The following SMC6 variants were observed in gnomAD, a reference collection of about 807,000 sequenced individuals.
The protein encoded by SMC6 is structural maintenance of chromosomes protein 6.
A neutral mutation model predicts 142.2 loss-of-function variants in SMC6; 79 were observed. The observed-to-expected ratio is 0.56, with a 90% CI of 0.46 to 0.67. The LOEUF (loss-of-function observed/expected upper bound fraction) is 0.67. Ranked by LOEUF, SMC6 falls within the 30% of genes least tolerant of loss-of-function variation. The pLI is 0.00. For missense variants in SMC6, 1,072 were observed against 1,284.0 expected (o/e 0.83, Z 2.52); for synonymous variants, 411 against 412.4 (o/e 1.00, Z 0.04).
chr2:17,739,746 A>G (rs1174591901), intron 4 of SMC6, among the ~76,000 whole-genome samples: 1 of 151,916 alleles, frequency 6.6e-6, no homozygotes, highest in African/African-American at 2.4e-5. Flanking sequence ...CCAGGAGTTC[A>G]AGGCTGCAAT....
chr2:17,752,663 C>G (rs926686929), intron 2 of SMC6, among the ~76,000 whole-genome samples: 1 of 152,130 alleles, frequency 6.6e-6, no homozygotes, highest in Non-Finnish European at 1.5e-5. Flanking sequence ...CTATGTTTCA[C>G]GTAGAAATCA....
chr2:17,734,134 A>G (rs1041317630), intron 5 of SMC6, among the ~76,000 whole-genome samples: 2 of 152,140 alleles, frequency 1.3e-5, no homozygotes, highest in Admixed American at 1.3e-4. Flanking sequence ...ACAGAGGTCC[A>G]GAGACAAGAC....
intron 18 of SMC6, among the ~76,000 whole-genome samples, chr2:17,704,622 C>A (rs1422493633): frequency 6.6e-6 from 1 of 152,208 alleles, no homozygotes; most frequent in Non-Finnish European, 1.5e-5. Context: ...TATTTCTCCA[C>A]ATTTTAACAT....
At chr2:17,689,507 C>G (rs73921045) in intron 23 of SMC6, among the ~76,000 whole-genome samples, 2,022 of 152,064 alleles carry the variant, frequency 0.013, 23 homozygotes, top group African/African-American at 0.031. Flanking sequence ...TTTATGAAAC[C>G]TACTTTTGAA....
chr2:17,753,758 C>T lies in SMC6; in HGVS notation c.-225G>A, dbSNP rs931247868. The T allele has an allele frequency of 1.3e-5, 2 of 152,288 alleles. No individual in the cohort carries two copies. The highest frequency in any genetic ancestry group is 4.8e-5 in the African/African-American group (2 of 41,470). The allele number at this position is 152,288 out of a possible 1,614,324, so 9.4% of individuals were successfully genotyped here. A position where few individuals can be genotyped will look rare whatever the true frequency, so the allele number is the denominator to read the frequency against. ...TGGCCCCCTGGGAACCGCGTGCCGG[C>T]CGCAGGAGAAGGTAGATTCCCGGGA... On this transcript the variant is annotated 5_prime_UTR_variant, in exon 1 of 28. Transcript: ENST00000448223.
At chr2:17,701,956 A>T in intron 19 of SMC6, 47 bp from the exon 20 acceptor site, 1 of 997,870 alleles carries the variant, frequency 1.0e-6, no homozygotes, top group Non-Finnish European at 1.5e-6. Context: ...AAAAATTTAA[A>T]CCGAAAACCT....
rs1429470387 is a variant in SMC6 at position 17,670,429 on chromosome 2, G to A, written c.3057C>T (p.Val1019=). Residue 1019 remains valine (V), a synonymous_variant, in exon 26 of 28, where the codon GTC becomes GTT. Transcript: ENST00000448223. ...SPFRCLDEFD[V]YMDMVNRRIA... is the part of the protein sequence containing the mutation. ...ATTTAAAATTTAACAATACCATGTAGACATCAAATTCATCCAGGCATCTGA... is the reference window on the plus strand; with the variant it reads ...ATTTAAAATTTAACAATACCATGTAAACATCAAATTCATCCAGGCATCTGA... 6.2e-7 allele frequency: 1 copy of A among 1,612,742 alleles called. No individual in the cohort carries two copies. The highest frequency in any genetic ancestry group is 1.7e-4 in the Middle Eastern group (1 of 6,054).
At position 17,704,667 on chromosome 2, in the gene SMC6, T is replaced by A. The variant is rs1668419460; in HGVS notation, c.2007-1375A>T. On this transcript the variant is annotated intron_variant, in intron 18 of 27. Transcript: ENST00000448223. ...CTGAAACCATTTTGCAGTTTGTGGT[T>A]CAATTAGCATTTATTTCCTTTTTAC... 3.9e-5 allele frequency among the ~76,000 whole-genome samples: 6 copies of A among 152,202 alleles called. No homozygotes were observed. The South Asian group carries it at 1.2e-3, about 32-fold the overall frequency.
At chr2:17,668,990 C>G (rs1666633439) in intron 26 of SMC6, among the ~76,000 whole-genome samples, 1 of 152,062 alleles carries the variant, frequency 6.6e-6, no homozygotes, top group Non-Finnish European at 1.5e-5. Flanking sequence ...CACATGCAAG[C>G]CTGGGAGTCC....
At chr2:17,669,417 T>C (rs901059510) in intron 26 of SMC6, among the ~76,000 whole-genome samples, 5 of 152,108 alleles carry the variant, frequency 3.3e-5, no homozygotes, top group African/African-American at 9.7e-5. Flanking sequence ...GGGACTGTGA[T>C]ATGTGTATAT....
chr2:17,674,771 C>T (rs1036125877), intron 25 of SMC6, among the ~76,000 whole-genome samples: 8 of 151,902 alleles, frequency 5.3e-5, no homozygotes, highest in South Asian at 2.1e-4. Flanking sequence ...ATGAAATGGC[C>T]CTTTTGGCCT....
At chr2:17,676,420 A>C (rs980236930) in intron 25 of SMC6, among the ~76,000 whole-genome samples, 4 of 152,200 alleles carry the variant, frequency 2.6e-5, no homozygotes, top group African/African-American at 9.6e-5. Flanking sequence ...CAATTTTTAC[A>C]GCTTTAAATA....
intron 23 of SMC6, among the ~76,000 whole-genome samples, chr2:17,690,455 G>A (rs535787777): frequency 3.3e-5 from 5 of 152,136 alleles, no homozygotes; most frequent in East Asian, 1.9e-4. Context: ...TTAGCTGCAC[G>A]TGGTGGTGCA....
At chr2:17,716,674 T>C (rs1416168693) in intron 14 of SMC6, 67 bp downstream of exon 14, 2 of 1,475,502 alleles carry the variant, frequency 1.4e-6, no homozygotes, top group East Asian at 2.3e-5. Context: ...GCTCTCTTCA[T>C]ACAAGAACAA....
In SMC6 at chr2:17,717,946, A is replaced by G. The variant is rs570122045; in HGVS notation, c.1092+131T>C. On this transcript the variant is annotated intron_variant, in intron 12 of 27. Coordinates refer to ENST00000448223, the MANE Select transcript of SMC6 (RefSeq NM_001142286.2). ...GGCTACAGTGAGCCGTGATGGCGCC[A>G]TAGCACTCCAGCCTGGGTGACAGAG... 11 of 911,650 alleles carry G rather than the reference A, an allele frequency of 1.2e-5. No homozygotes were observed. The African/African-American group carries it at 1.9e-4, about 16-fold the overall frequency. The allele number at this position is 911,650 out of a possible 1,614,324, so 56.5% of individuals were successfully genotyped here.
intron 18 of SMC6, among the ~76,000 whole-genome samples, chr2:17,705,249 C>A (rs537052359): frequency 7.6e-4 from 115 of 151,698 alleles, no homozygotes; most frequent in African/African-American, 2.8e-3. Flanking sequence ...CAGAGTGAGA[C>A]CCTGTCTCAA....
intron 9 of SMC6, among the ~76,000 whole-genome samples, chr2:17,724,809 T>C (rs1359099128): frequency 6.6e-6 from 1 of 152,250 alleles, no homozygotes; most frequent in Non-Finnish European, 1.5e-5. Flanking sequence ...AGAGTTATAA[T>C]TACTATGATT....
At chr2:17,702,778 T>C (rs570614925) in intron 19 of SMC6, among the ~76,000 whole-genome samples, 1 of 152,218 alleles carries the variant, frequency 6.6e-6, no homozygotes, top group South Asian at 2.1e-4. Flanking sequence ...TTGGCTCTCT[T>C]TCTCTCATGG....
rs1670472533 is a variant in SMC6, at chr2:17,741,540, AT to A, written c.238+71del. On this transcript the variant is annotated intron_variant, in intron 4 of 27. Coordinates refer to ENST00000448223, the MANE Select transcript of SMC6 (RefSeq NM_001142286.2). ...TACTTATTAGCACTAATAGTCACCT[AT>A]TTCAAAAAGTTAACGTACTCTAATC... 2.9e-5 allele frequency: 26 copies of A among 885,030 alleles called. 1 individual carries two copies. In the South Asian group the frequency reaches 4.3e-4, roughly 15 times the overall value. 54.8% of individuals were successfully genotyped at this position (885,030 alleles called of 1,614,324 possible).
Sources: allele counts gnomAD v4.1 joint callset (sites outside exome capture counted in the v4.1 genomes callset), GRCh38; gene constraint gnomAD v4.1.1; transcripts MANE v1.5; gene names NCBI Gene and HGNC (gene_info 2026-07-23, HGNC 2026-07-21).